Variants in BRD8 observed in about 807,000 individuals in gnomAD.
BRD8 encodes bromodomain containing 8.
Under a neutral mutation model 143.1 loss-of-function variants are expected in BRD8, and 67 were observed. The observed-to-expected ratio is 0.47, with a 90% CI of 0.38 to 0.57. BRD8 has a LOEUF of 0.57. Among genes scored for constraint, BRD8 ranks in the 20% least tolerant of loss-of-function variants. The probability of loss-of-function intolerance (pLI) is 0.00; values close to 1 mark genes in which losing one functional copy is unlikely to be tolerated. For missense variants in BRD8, 1,103 were observed against 1,503.0 expected, an observed-to-expected ratio of 0.73 and a Z score of 4.40; for synonymous variants, 505 against 517.1, an observed-to-expected ratio of 0.98 and a Z score of 0.32.
At chr5:138,176,118 T>C (rs1011874067) in intron 2 of BRD8, among the ~76,000 whole-genome samples, 8 of 151,990 alleles carry the variant, frequency 5.3e-5, no homozygotes, top group African/African-American at 1.9e-4. Flanking sequence ...TAAATAAAAC[T>C]TGGTATATTC....
intron 7 of BRD8, among the ~76,000 whole-genome samples, chr5:138,169,719 A>G (rs1753715937): frequency 6.6e-6 from 1 of 152,250 alleles, no homozygotes. Flanking sequence ...CTGTAATCCC[A>G]GCACTTTGGG....
chr5:138,151,302 G>A (rs1490174438), intron 21 of BRD8, among the ~76,000 whole-genome samples: 1 of 152,186 alleles, frequency 6.6e-6, no homozygotes, highest in Non-Finnish European at 1.5e-5. Context: ...TGGCTGTCTA[G>A]AATAAAGTGT....
Position 138,160,946 on chromosome 5 carries a change from T to C in BRD8, c.2372A>G (p.His791Arg). The C allele has an allele frequency of 6.2e-7, 1 of 1,613,412 alleles. No homozygotes were observed. The highest frequency in any genetic ancestry group is 8.5e-7 in the Non-Finnish European group (1 of 1,179,692). The part of the protein sequence containing the change: ...QNAVMYNSSD[H>R]DVYHMAVEMQ... ...CTCCACTGCCATGTGATAGACATCA[T>C]GGTCTGAGCTATTGTACATTACAGC... Residue 791 changes from histidine (H) to arginine (R), a missense_variant, in exon 18 of 27, where the codon CAT becomes CGT. Physicochemically the swap from His to Arg is conservative, Grantham distance 29. Coordinates refer to ENST00000254900, the MANE Select transcript of BRD8 (RefSeq NM_139199.2).
At chr5:138,160,651 TTTTA>T (rs887887073) in intron 18 of BRD8, among the ~76,000 whole-genome samples, 1 of 152,196 alleles carries the variant, frequency 6.6e-6, no homozygotes, top group African/African-American at 2.4e-5. Context: ...TTTTAAAAAA[TTTTA>T]TTTAAAAACT....
In BRD8 at chr5:138,163,456, T is replaced by C. The variant is rs968904919; in HGVS notation, c.1873-112A>G. 4.8e-5 allele frequency: 67 copies of C among 1,390,304 alleles called. 2 individuals are homozygous for C. The Admixed American group carries it at 1.3e-3, about 28-fold the overall frequency. 86.1% of individuals were successfully genotyped at this position (1,390,304 alleles called of 1,614,324 possible). A position where few individuals can be genotyped will look rare whatever the true frequency, so the allele number is the denominator to read the frequency against. ...ATTAGTTCTAGAAATGACCTCACGC[T>C]GTTTCCTGACTCAGCTGTCTATCAC... On this transcript the variant is annotated intron_variant, in intron 14 of 26. Coordinates refer to ENST00000254900, the MANE Select transcript of BRD8 (RefSeq NM_139199.2).
At chr5:138,167,273 A>C (rs137923599) in intron 9 of BRD8, among the ~76,000 whole-genome samples, 1,742 of 151,844 alleles carry the variant, frequency 0.011, 42 homozygotes, top group African/African-American at 0.036. Context: ...GTCTCAAAAA[A>C]AACAACAACA....
At chr5:138,149,916 C>A in intron 22 of BRD8, 119 bp from the exon 23 acceptor site, 2 of 930,600 alleles carry the variant, frequency 2.1e-6, no homozygotes, top group Middle Eastern at 2.4e-4. Context: ...TTACATAAAG[C>A]TACAAAAGAA....
chr5:138,156,968 A>G (rs1752642210), intron 20 of BRD8: 3 of 1,346,880 alleles, frequency 2.2e-6, no homozygotes, highest in Non-Finnish European at 2.9e-6. Context: ...TGACAAGACA[A>G]TACAAACTAG....
At chr5:138,176,340 C>G (rs1488616750) in intron 2 of BRD8, among the ~76,000 whole-genome samples, 1 of 152,136 alleles carries the variant, frequency 6.6e-6, no homozygotes, top group Non-Finnish European at 1.5e-5. Flanking sequence ...CACTTGTAAT[C>G]CCAGCACTTT....
intron 23 of BRD8, among the ~76,000 whole-genome samples, chr5:138,146,136 C>A (rs991898616): frequency 2.6e-5 from 4 of 151,498 alleles, no homozygotes; most frequent in African/African-American, 9.7e-5. Context: ...CAGCTCACTG[C>A]AACCTCTGCC....
At chr5:138,146,242 G>C (rs1752144964) in intron 23 of BRD8, among the ~76,000 whole-genome samples, 1 of 151,974 alleles carries the variant, frequency 6.6e-6, no homozygotes, top group Non-Finnish European at 1.5e-5. Flanking sequence ...ATTTTCCATA[G>C]AGACGGGGTT....
chr5:138,158,377 C>T (rs1252849150), intron 20 of BRD8, among the ~76,000 whole-genome samples: 2 of 152,288 alleles, frequency 1.3e-5, no homozygotes, highest in African/African-American at 4.8e-5. Context: ...AGTCTTTAGG[C>T]TAGCTCTCCT....
At chr5:138,159,765 A>G (rs1356391798) in intron 19 of BRD8, among the ~76,000 whole-genome samples, 166 bp from the exon 20 acceptor site, 3 of 152,236 alleles carry the variant, frequency 2.0e-5, no homozygotes, top group Non-Finnish European at 4.4e-5. Flanking sequence ...TTACGCCTCT[A>G]GCACAGAAAC....
Position 138,171,361 on chromosome 5 carries a change from T to C in BRD8, c.236A>G (p.Lys79Arg). The change falls in exon 4 of 27, where the codon AAA becomes AGA. Residue 79 changes from lysine (K) to arginine (R), a missense_variant and splice_region_variant. Physicochemically the swap from Lys to Arg is conservative, Grantham distance 26. This residue lies in a region of BRD8 where 69 missense variants were observed against 121.6 expected (regional missense o/e 0.57). Coordinates refer to ENST00000254900, the MANE Select transcript of BRD8 (RefSeq NM_139199.2). ...SELLETTETP[K>R]RKRGEKGEVV... ...CTGAAGTACCTGGCTTTGTACTCAC[T>C]TTGGTGTCTCAGTGGTCTCTAAAAG... 1 of 1,606,258 alleles carries C rather than the reference T, an allele frequency of 6.2e-7. No homozygotes were observed. The highest frequency in any genetic ancestry group is 8.5e-7 in the Non-Finnish European group (1 of 1,176,278).
At chr5:138,175,422 T>C (rs1754241132) in intron 2 of BRD8, among the ~76,000 whole-genome samples, 1 of 150,150 alleles carries the variant, frequency 6.7e-6, no homozygotes, top group Non-Finnish European at 1.5e-5. Flanking sequence ...AAAGGTAAAA[T>C]GATGATAGTT....
chr5:138,145,969 T>C, intron 23 of BRD8, 91 bp from the exon 24 acceptor site: 1 of 933,802 alleles, frequency 1.1e-6, no homozygotes, highest in South Asian at 1.5e-5. Flanking sequence ...TCTTAAGACA[T>C]GCTCCTAATT....
At chr5:138,167,821 A>T (rs1200441965) in intron 9 of BRD8, 113 bp downstream of exon 9, 2 of 957,238 alleles carry the variant, frequency 2.1e-6, no homozygotes, top group African/African-American at 3.3e-5. Context: ...AAAAGTTAGA[A>T]AAAGTTGGGC....
intron 23 of BRD8, among the ~76,000 whole-genome samples, chr5:138,148,665 G>A (rs1023388721): frequency 6.6e-6 from 1 of 151,754 alleles, no homozygotes; most frequent in African/African-American, 2.4e-5. Flanking sequence ...CACTGCGCCT[G>A]GCCTAATTTT....
At chr5:138,166,433 G>C (rs1753428198) in intron 10 of BRD8, 85 bp downstream of exon 10, 1 of 788,894 alleles carries the variant, frequency 1.3e-6, no homozygotes, top group African/African-American at 1.7e-5. Flanking sequence ...AGAAGCATCT[G>C]AATCGGAGCT....
Sources: gnomAD v4.1 joint callset for allele counts (sites outside exome capture counted in the v4.1 genomes callset) on GRCh38, gnomAD v4.1.1 for gene constraint, gnomAD v4.1.1 regional missense constraint, MANE v1.5 for transcripts, NCBI Gene and HGNC (gene_info 2026-07-23, HGNC 2026-07-21) for gene names.